Variants in UNKL observed in about 807,000 individuals in gnomAD.
UNKL encodes unk like zinc finger, also known as putative E3 ubiquitin-protein ligase UNKL.
Under a neutral mutation model 78.0 loss-of-function variants are expected in UNKL, and 60 were observed. The observed-to-expected ratio is 0.77, with a 90% confidence interval of 0.63 to 0.95. The LOEUF (loss-of-function observed/expected upper bound fraction) is 0.95, where lower values mean the gene tolerates loss of function less well. Among genes scored for constraint, UNKL ranks in the 40% least tolerant of loss-of-function variants. The pLI, the probability that UNKL is intolerant of heterozygous loss-of-function variation, is 0.00. For missense variants in UNKL, 1,159 were observed against 1,045.7 expected, an observed-to-expected ratio of 1.11 and a Z score of -1.49; for synonymous variants, 608 against 474.8, an observed-to-expected ratio of 1.28 and a Z score of -3.65.
intron 2 of UNKL, chr16:1,405,905 C>A (rs748393487): frequency 8.8e-6 from 4 of 456,256 alleles, no homozygotes; most frequent in South Asian, 6.2e-5. Context: ...GAAGCTCTCA[C>A]CTGAACCCAA....
Position 1,364,053 on chromosome 16 carries a change from C to CAG in UNKL, c.*2185_*2186dup, listed in dbSNP as rs1351959795. The CAG allele has an allele frequency of 6.6e-6, 1 of 152,222 alleles. No homozygotes were observed. Among genetic ancestry groups the CAG allele is most frequent in the Non-Finnish European group, 1.5e-5 (1 of 68,040 alleles). 9.4% of individuals were successfully genotyped at this position (152,222 alleles called of 1,614,324 possible). On this transcript the variant is annotated 3_prime_UTR_variant, in exon 15 of 15. Transcript: ENST00000389221. ...AGACACCACTTATCCCAGAAAAGAC[C>CAG]AGAGGCTCCAAATGGGAACCAAGTG...
chr16:1,376,765 T>C (rs754926094), intron 10 of UNKL, among the ~76,000 whole-genome samples: 3 of 152,104 alleles, frequency 2.0e-5, no homozygotes, highest in African/African-American at 4.8e-5. Context: ...CCAAGCTTTT[T>C]CCTATACGAA....
At chr16:1,381,985 G>A (rs2036623083) in intron 10 of UNKL, among the ~76,000 whole-genome samples, 1 of 152,174 alleles carries the variant, frequency 6.6e-6, no homozygotes, top group Non-Finnish European at 1.5e-5. Context: ...ACTCAGGGAA[G>A]GCCGTCACCT....
chr16:1,395,666 G>A (rs1430541885), intron 6 of UNKL: 1 of 455,128 alleles, frequency 2.2e-6, no homozygotes, highest in Non-Finnish European at 4.4e-6. Context: ...CCAGGCGGGA[G>A]GGTTTATCTC....
intron 10 of UNKL, among the ~76,000 whole-genome samples, chr16:1,376,402 C>G (rs981833590): frequency 6.6e-6 from 1 of 151,350 alleles, no homozygotes; most frequent in Non-Finnish European, 1.5e-5. Flanking sequence ...CACTCCTCCT[C>G]CCTCCTCTGA....
At chr16:1,382,845 C>A (rs1268120763) in intron 10 of UNKL, among the ~76,000 whole-genome samples, 3 of 152,082 alleles carry the variant, frequency 2.0e-5, no homozygotes, top group Admixed American at 2.0e-4. Flanking sequence ...ATAGTCCCAG[C>A]TACTCAGGAG....
At chr16:1,396,930 C>A in intron 6 of UNKL, 1 of 524,748 alleles carries the variant, frequency 1.9e-6, no homozygotes, top group Non-Finnish European at 3.4e-6. Flanking sequence ...GCTTTTTTCC[C>A]ACATGACTCT....
intron 2 of UNKL, among the ~76,000 whole-genome samples, chr16:1,410,829 C>T (rs1226394487): frequency 6.6e-6 from 1 of 152,194 alleles, no homozygotes; most frequent in Non-Finnish European, 1.5e-5. Context: ...AAAACAGTGG[C>T]TTAAAAACCA....
At chr16:1,369,976 G>A (rs573488846) in intron 12 of UNKL, 154 bp downstream of exon 12, 128 of 1,550,670 alleles carry the variant, frequency 8.3e-5, no homozygotes, top group Middle Eastern at 5.0e-4. Context: ...CTCGGTCTGC[G>A]GCGTGGGGGA....
intron 2 of UNKL, among the ~76,000 whole-genome samples, chr16:1,410,191 G>A (rs1035603682): frequency 2.0e-5 from 3 of 151,870 alleles, no homozygotes; most frequent in Non-Finnish European, 2.9e-5. Flanking sequence ...GCTTAAGTCC[G>A]GGAGGTCGAG....
At chr16:1,400,527 C>G (rs1394223515) in intron 4 of UNKL, among the ~76,000 whole-genome samples, 1 of 147,664 alleles carries the variant, frequency 6.8e-6, no homozygotes, top group Middle Eastern at 3.4e-3. Flanking sequence ...GTGCAGGGAC[C>G]AGGGAGGGGA....
At chr16:1,391,160 T>TAC (rs59407356) in intron 8 of UNKL, among the ~76,000 whole-genome samples, 4,265 of 144,620 alleles carry the variant, frequency 0.029, 69 homozygotes, top group African/African-American at 0.047. Context: ...CAAAAAAAAA[T>TAC]ACACACACAC....
Position 1,369,944 on chromosome 16 carries a change from C to T in UNKL, c.1585+186G>A, listed in dbSNP as rs1018487399. On this transcript the variant is annotated intron_variant, in intron 12 of 14. Transcript: ENST00000389221. ...GAGCCGAGATCGTACCATTGCAGTC[C>T]AACCTGGGCGACAGAGCGAGACTCG... is the stretch of plus-strand genomic sequence containing the variant. 7.1e-6 allele frequency: 11 copies of T among 1,548,766 alleles called. No individual in the cohort carries two copies. The African/African-American group carries it at 1.5e-4, about 21-fold the overall frequency.
chr16:1,375,680 G>T (rs2036163899), intron 10 of UNKL, among the ~76,000 whole-genome samples: 1 of 152,206 alleles, frequency 6.6e-6, no homozygotes, highest in Non-Finnish European at 1.5e-5. Flanking sequence ...GGGGCAGCCA[G>T]GCCAAGACCC....
chr16:1,395,822 C>T, intron 6 of UNKL: 1 of 447,234 alleles, frequency 2.2e-6, no homozygotes. Flanking sequence ...CCTGGTGACA[C>T]CATTGAGTGT....
At chr16:1,412,318 T>C (rs2038076262) in intron 2 of UNKL, 1 of 152,214 alleles carries the variant, frequency 6.6e-6, no homozygotes, top group Admixed American at 6.5e-5. Flanking sequence ...ACTTTAAAAG[T>C]GCTACATAGG....
intron 8 of UNKL, 88 bp from the exon 9 acceptor site, chr16:1,390,782 C>T (rs950899347): frequency 2.8e-6 from 4 of 1,426,288 alleles, no homozygotes; most frequent in Non-Finnish European, 2.9e-6. Flanking sequence ...ACAGTGGCAG[C>T]ACTTTGGGAG....
intron 2 of UNKL, among the ~76,000 whole-genome samples, chr16:1,413,239 G>T (rs2038122862): frequency 1.1e-5 from 1 of 93,804 alleles, no homozygotes; most frequent in Admixed American, 1.4e-4. Flanking sequence ...GCAAGACCCT[G>T]TCTCAAAAAA....
chr16:1,399,518 T>G lies in UNKL; in HGVS notation c.599-9A>C. ...CAGCACGAAGTTGGCATCTGAAAAA[T>G]GGGCCACACGGTGCCTGAGCAGCGC... On this transcript the variant is annotated splice_polypyrimidine_tract_variant and intron_variant, in intron 4 of 14. Transcript: ENST00000389221. The surrounding 1 kb of genome is among the most constrained non-coding windows in gnomAD (Gnocchi z 5.8). The G allele has an allele frequency of 6.3e-7, 1 of 1,590,664 alleles. No homozygotes were observed. The highest frequency in any genetic ancestry group is 8.5e-7 in the Non-Finnish European group (1 of 1,169,878).
Sources: allele counts gnomAD v4.1 joint callset (sites outside exome capture counted in the v4.1 genomes callset), GRCh38; gene constraint gnomAD v4.1.1; non-coding constraint Gnocchi (gnomAD v3.1); transcripts MANE v1.5; gene names NCBI Gene and HGNC (gene_info 2026-07-23, HGNC 2026-07-21).